RPN1: variants seen among roughly 807,000 people sequenced by gnomAD.
RPN1 encodes dolichyl-diphosphooligosaccharide--protein glycosyltransferase subunit 1.
A neutral mutation model predicts 55.5 loss-of-function variants in RPN1; 12 were observed. The ratio of observed to expected loss-of-function variants is 0.22; its 90% confidence interval spans 0.14 to 0.35. RPN1 has a LOEUF of 0.35. Among genes scored for constraint, RPN1 ranks in the 10% least tolerant of loss-of-function variants. The pLI, the probability that RPN1 is intolerant of heterozygous loss-of-function variation, is 1.00. For synonymous variants in RPN1, 317 were observed against 305.9 expected, an observed-to-expected ratio of 1.04 and a Z score of -0.38; for missense variants, 679 against 761.3, an observed-to-expected ratio of 0.89 and a Z score of 1.27.
Position 128,637,889 on chromosome 3 carries a change from A to G in RPN1, c.543T>C (p.Asn181=), listed in dbSNP as rs2069692393. Residue 181 remains asparagine (N), a synonymous_variant, in exon 3 of 10, where the codon AAT becomes AAC. Coordinates refer to ENST00000296255, the MANE Select transcript of RPN1 (RefSeq NM_002950.4). ...QTMRVKLASR[N]VESYTKLGNP... ...TCCCCAGCTTGGTGTAGCTCTCCAC[A>G]TTTCGAGAGGCAAGCTTCACACGCA... 1 of 1,614,032 alleles carries G rather than the reference A, an allele frequency of 6.2e-7. No homozygotes were observed. Among genetic ancestry groups the G allele is most frequent in the Non-Finnish European group, 8.5e-7 (1 of 1,180,020 alleles).
intron 4 of RPN1, 112 bp downstream of exon 4, chr3:128,631,836 T>A: frequency 9.1e-7 from 1 of 1,100,340 alleles, no homozygotes; most frequent in Non-Finnish European, 1.3e-6. Flanking sequence ...AAGATGAACA[T>A]CAGTCAACCC....
At chr3:128,626,884 C>A in intron 5 of RPN1, 52 bp from the exon 6 acceptor site, 1 of 1,533,896 alleles carries the variant, frequency 6.5e-7, no homozygotes, top group South Asian at 1.1e-5. Flanking sequence ...ATCAAATGGG[C>A]AGGAGAGAAA....
Position 128,632,060 on chromosome 3 carries a change from A to G in RPN1, c.731T>C (p.Val244Ala), listed in dbSNP as rs774800395. The G allele has an allele frequency of 1.2e-6, 2 of 1,614,178 alleles. No individual in the cohort carries two copies. The highest frequency in any genetic ancestry group is 1.7e-6 in the Non-Finnish European group (2 of 1,180,040). The stretch of plus-strand genomic sequence containing the variant: ...GTGCTTTAAGTCCACATTTTCTTCC[A>G]CAGCAATATTACCCCAGTGAGAGAC... ...IEVSHWGNIAVEENVDLKHTG... is the reference protein window; with the variant it reads ...IEVSHWGNIAAEENVDLKHTG... The change falls in exon 4 of 10, where the codon GTG (valine) becomes GCG (alanine). Residue 244 changes from valine to alanine, a missense_variant. By Grantham distance (64) the Val-to-Ala change is moderately conservative (BLOSUM62 0). This residue lies in a region of RPN1 where 352 missense variants were observed against 352.8 expected (regional missense o/e 1.00). Coordinates refer to ENST00000296255, the MANE Select transcript of RPN1 (RefSeq NM_002950.4).
chr3:128,632,715 C>T (rs765601621), intron 3 of RPN1, among the ~76,000 whole-genome samples: 5 of 151,926 alleles, frequency 3.3e-5, no homozygotes, highest in Non-Finnish European at 5.9e-5. Context: ...CTGCCTTAGC[C>T]TCCCTAGTAG....
chr3:128,635,043 A>G (rs1245403178), intron 3 of RPN1, among the ~76,000 whole-genome samples: 1 of 152,136 alleles, frequency 6.6e-6, no homozygotes, highest in Non-Finnish European at 1.5e-5. Context: ...CAAGGCTGTC[A>G]TCTTCACAGT....
chr3:128,622,125 G>A (rs1273411246), intron 9 of RPN1, 39 bp downstream of exon 9: 2 of 1,604,728 alleles, frequency 1.2e-6, no homozygotes, highest in Admixed American at 1.7e-5. Flanking sequence ...AGGCATGGAG[G>A]GCCCCAAGCC....
intron 1 of RPN1, among the ~76,000 whole-genome samples, chr3:128,648,279 C>T (rs2069784796): frequency 6.6e-6 from 1 of 152,154 alleles, no homozygotes; most frequent in Admixed American, 6.6e-5. Flanking sequence ...CCTGTAGTCC[C>T]AGCTACTCCG....
At chr3:128,632,697 C>A (rs762421216) in intron 3 of RPN1, among the ~76,000 whole-genome samples, 1 of 151,880 alleles carries the variant, frequency 6.6e-6, no homozygotes, top group Non-Finnish European at 1.5e-5. Flanking sequence ...TGGGTTCAAG[C>A]GATTCTCCTG....
chr3:128,636,493 A>G (rs1049071090), intron 3 of RPN1, among the ~76,000 whole-genome samples: 32 of 152,196 alleles, frequency 2.1e-4, no homozygotes, highest in African/African-American at 7.7e-4. Context: ...GACAAAAAAA[A>G]AAAAAGAAAC....
In RPN1 at chr3:128,626,046, A is replaced by T. The variant is rs373637253; in HGVS notation, c.1137-34T>A. ...AGATGGGAATAAAATATAGCCTCCA[A>T]CCAACTACATCAATAAACCAGATTT... is the stretch of plus-strand genomic sequence containing the variant. On this transcript the variant is annotated intron_variant, in intron 6 of 9. Transcript: ENST00000296255. 134 of 1,566,646 alleles carry T rather than the reference A, an allele frequency of 8.6e-5. No homozygotes were observed. The East Asian group carries it at 1.7e-3, about 20-fold the overall frequency.
intron 2 of RPN1, among the ~76,000 whole-genome samples, chr3:128,643,524 C>T (rs559558864): frequency 6.6e-6 from 1 of 151,820 alleles, no homozygotes; most frequent in Admixed American, 6.6e-5. Flanking sequence ...TTGTGGGGCA[C>T]GGTGGCTCAC....
chr3:128,650,681 C>T lies in RPN1; in HGVS notation c.120G>A (p.Val40=), dbSNP rs373253257. Residue 40 remains valine, a synonymous_variant, in exon 1 of 10, where the codon GTG becomes GTA. Coordinates refer to ENST00000296255, the MANE Select transcript of RPN1 (RefSeq NM_002950.4). ...PLINEDVKRT[V]DLSSHLAKVT... ...CCTTAGCCAGGTGGCTGCTTAGGTC[C>T]ACTGTGCGCTTCACGTCCTCATTGA... 4.2e-5 allele frequency: 66 copies of T among 1,572,766 alleles called. No homozygotes were observed. The highest frequency in any genetic ancestry group is 5.7e-5 in the Non-Finnish European group (66 of 1,159,084).
At chr3:128,637,764 C>T in intron 3 of RPN1, 35 bp downstream of exon 3, 1 of 1,592,248 alleles carries the variant, frequency 6.3e-7, no homozygotes, top group Non-Finnish European at 8.6e-7. Flanking sequence ...TTCTCTGAAG[C>T]AGACAGGGAT....
intron 4 of RPN1, among the ~76,000 whole-genome samples, chr3:128,631,741 C>T (rs1490127094): frequency 6.6e-6 from 1 of 151,378 alleles, no homozygotes; most frequent in African/African-American, 2.4e-5. Flanking sequence ...GACTCTGTCT[C>T]AAAGAAAAAA....
chr3:128,631,134 G>A (rs371807100), intron 4 of RPN1, among the ~76,000 whole-genome samples: 2 of 147,678 alleles, frequency 1.4e-5, no homozygotes, highest in Non-Finnish European at 3.0e-5. Flanking sequence ...AAAATATATG[G>A]TTTAGGCTGG....
In RPN1 at chr3:128,620,304, G is replaced by T; in HGVS notation, c.*107C>A. 9.9e-7 allele frequency: 1 copy of T among 1,012,838 alleles called. No homozygotes were observed. Among genetic ancestry groups the T allele is most frequent in the Non-Finnish European group, 1.4e-6 (1 of 715,154 alleles). The allele number at this position is 1,012,838 out of a possible 1,614,324, so 62.7% of individuals were successfully genotyped here. ...TTCTCTTCCTTGAAGGCCTTTTACAGATGTCAGCTTTCACTGGCCTCCATG... is the reference window on the plus strand; with the variant it reads ...TTCTCTTCCTTGAAGGCCTTTTACATATGTCAGCTTTCACTGGCCTCCATG... On this transcript the variant is annotated 3_prime_UTR_variant, in exon 10 of 10. Transcript: ENST00000296255.
chr3:128,627,784 A>AAAC (rs1285244972), intron 5 of RPN1, among the ~76,000 whole-genome samples: 521 of 5,628 alleles, frequency 0.093, 5 homozygotes, highest in Admixed American at 0.17. Flanking sequence ...AAAAAAAAAA[A>AAAC]AAAAGATTAA....
intron 3 of RPN1, among the ~76,000 whole-genome samples, chr3:128,635,752 T>TTA (rs925278441): frequency 1.3e-5 from 2 of 148,618 alleles, no homozygotes; most frequent in African/African-American, 2.5e-5. Flanking sequence ...ACACCTGGCC[T>TTA]TATATATATA....
At chr3:128,627,770 C>CAAAAAAAA (rs71689582) in intron 5 of RPN1, among the ~76,000 whole-genome samples, 1 of 71,986 alleles carries the variant, frequency 1.4e-5, no homozygotes, top group Admixed American at 1.7e-4. Context: ...GACTCCATCT[C>CAAAAAAAA]AAAAAAAAAA....
Sources: gnomAD v4.1 joint callset for allele counts (sites outside exome capture counted in the v4.1 genomes callset) on GRCh38, gnomAD v4.1.1 for gene constraint, gnomAD v4.1.1 regional missense constraint, MANE v1.5 for transcripts, NCBI Gene and HGNC (gene_info 2026-07-23, HGNC 2026-07-21) for gene names.